Variants in MTUS2 observed in about 807,000 individuals in gnomAD.
The protein encoded by MTUS2 is microtubule-associated tumor suppressor candidate 2.
In MTUS2, 40 loss-of-function variants were observed where a neutral mutation model predicts 114.1. The observed-to-expected ratio is 0.35, with a 90% confidence interval of 0.27 to 0.46. The LOEUF (loss-of-function observed/expected upper bound fraction) is 0.46, where lower values mean the gene tolerates loss of function less well. Among genes scored for constraint, MTUS2 ranks in the 20% least tolerant of loss-of-function variants. The pLI, the probability that MTUS2 is intolerant of heterozygous loss-of-function variation, is 1.00. For missense variants in MTUS2, 1,679 were observed against 1,705.4 expected, an observed-to-expected ratio of 0.98 and a Z score of 0.27; for synonymous variants, 688 against 672.0, an observed-to-expected ratio of 1.02 and a Z score of -0.37.
chr13:29,431,957 AC>A (rs199809276), intron 8 of MTUS2, among the ~76,000 whole-genome samples: 2,583 of 138,648 alleles, frequency 0.019, 38 homozygotes, highest in South Asian at 0.059. Context: ...CAATCTTCCC[AC>A]CTCAGCTTCC....
chr13:29,455,807 C>A (rs1304297490), intron 9 of MTUS2, among the ~76,000 whole-genome samples: 1 of 151,954 alleles, frequency 6.6e-6, no homozygotes, highest in Non-Finnish European at 1.5e-5. Flanking sequence ...ATGGCAAAAC[C>A]CCATCTCTAC....
intron 5 of MTUS2, among the ~76,000 whole-genome samples, chr13:29,110,668 CA>C (rs1890848158): frequency 6.6e-6 from 1 of 152,068 alleles, no homozygotes; most frequent in African/African-American, 2.4e-5. Context: ...CAAAGGAGAA[CA>C]TTTTTTTTTC....
intron 1 of MTUS2, among the ~76,000 whole-genome samples, chr13:28,831,639 G>A (rs996561220): frequency 6.6e-6 from 1 of 152,204 alleles, no homozygotes; most frequent in Non-Finnish European, 1.5e-5. Context: ...CCCTAAATAT[G>A]TGAAGCAGAA....
intron 2 of MTUS2, among the ~76,000 whole-genome samples, chr13:29,023,923 G>A (rs992604771): frequency 6.6e-6 from 1 of 152,172 alleles, no homozygotes; most frequent in East Asian, 1.9e-4. Context: ...GGTTAATGTG[G>A]TGTCTACCAG....
At chr13:29,343,987 C>T (rs1306469450) in intron 7 of MTUS2, among the ~76,000 whole-genome samples, 2 of 152,022 alleles carry the variant, frequency 1.3e-5, no homozygotes, top group Non-Finnish European at 2.9e-5. Flanking sequence ...GAGTTGAGTT[C>T]CAGTTTTATT....
chr13:28,930,020 G>A (rs1163807521), intron 2 of MTUS2, among the ~76,000 whole-genome samples: 1 of 152,134 alleles, frequency 6.6e-6, no homozygotes, highest in Admixed American at 6.5e-5. Context: ...GGAGGAGAGG[G>A]CAGAATCCCA....
intron 4 of MTUS2, among the ~76,000 whole-genome samples, chr13:29,085,625 T>C (rs530370566): frequency 3.5e-4 from 53 of 152,362 alleles, no homozygotes; most frequent in African/African-American, 1.1e-3. Flanking sequence ...TCTTGTTCTT[T>C]TTTTGTGGCT....
chr13:29,141,820 T>G (rs573213568), intron 5 of MTUS2, among the ~76,000 whole-genome samples: 1 of 152,216 alleles, frequency 6.6e-6, no homozygotes, highest in South Asian at 2.1e-4. Flanking sequence ...TTATCACATT[T>G]CCTGTTATCC....
intron 5 of MTUS2, among the ~76,000 whole-genome samples, chr13:29,185,035 A>G (rs1347211330): frequency 6.6e-6 from 1 of 152,150 alleles, no homozygotes; most frequent in Non-Finnish European, 1.5e-5. Flanking sequence ...ATAAAGTATC[A>G]GAACAATGCC....
chr13:28,886,015 C>T (rs778079847), intron 2 of MTUS2, among the ~76,000 whole-genome samples: 22 of 151,958 alleles, frequency 1.4e-4, no homozygotes, highest in Non-Finnish European at 2.5e-4. Context: ...AGGGCATTCC[C>T]GATAGAGGGA....
Position 29,026,011 on chromosome 13 carries a change from C to G in MTUS2, c.1313C>G (p.Ala438Gly). 6.2e-7 allele frequency: 1 copy of G among 1,613,978 alleles called. No individual in the cohort carries two copies. Among genetic ancestry groups the G allele is most frequent in the Non-Finnish European group, 8.5e-7 (1 of 1,179,886 alleles). ...TTTTCACCAGGTGACAGTCATGTGG[C>G]TTTTATTCCTAATAATCTGACTGAC... ...SSFSPGDSHV[A>G]FIPNNLTDSK... Residue 438 changes from alanine (A) to glycine (G), a missense_variant, in exon 3 of 16, where the codon GCT becomes GGT. Around this residue, in one of 3 missense-constraint regions of MTUS2, gnomAD observed 843 missense variants for 770.8 expected, o/e 1.09. Coordinates refer to ENST00000612955, the MANE Select transcript of MTUS2 (RefSeq NM_001033602.4).
chr13:28,917,765 G>T (rs1286747838), intron 2 of MTUS2, among the ~76,000 whole-genome samples: 1 of 151,574 alleles, frequency 6.6e-6, no homozygotes, highest in Non-Finnish European at 1.5e-5. Flanking sequence ...CTAATTTTGG[G>T]TTTGGCTTGC....
At chr13:29,497,474 C>T (rs889708878) in intron 13 of MTUS2, 138 bp downstream of exon 13, 14 of 703,796 alleles carry the variant, frequency 2.0e-5, no homozygotes, top group Middle Eastern at 4.0e-4. Context: ...CACGACCTCC[C>T]CTGGATTTTT....
intron 5 of MTUS2, among the ~76,000 whole-genome samples, chr13:29,188,554 A>G (rs536458098): frequency 6.6e-6 from 1 of 152,296 alleles, no homozygotes; most frequent in South Asian, 2.1e-4. Flanking sequence ...TTTTGAGCCT[A>G]CCTGCTTTGC....
chr13:29,442,449 T>C (rs1221961543), intron 9 of MTUS2, among the ~76,000 whole-genome samples: 5 of 152,212 alleles, frequency 3.3e-5, no homozygotes, highest in African/African-American at 1.2e-4. Context: ...ACACAACGTC[T>C]CAGACCTTGG....
At chr13:29,497,153 G>C in intron 12 of MTUS2, 85 bp from the exon 13 acceptor site, 1 of 1,213,016 alleles carries the variant, frequency 8.2e-7, no homozygotes. Context: ...GGGCACAGTG[G>C]TGGCCTGCTG....
intron 5 of MTUS2, among the ~76,000 whole-genome samples, chr13:29,239,035 C>G (rs555417345): frequency 3.3e-5 from 5 of 152,244 alleles, no homozygotes; most frequent in African/African-American, 1.2e-4. Flanking sequence ...ATCTAACGTA[C>G]AGCATGGTGA....
At chr13:28,876,864 A>G (rs1877966689) in intron 2 of MTUS2, among the ~76,000 whole-genome samples, 1 of 152,190 alleles carries the variant, frequency 6.6e-6, no homozygotes, top group South Asian at 2.1e-4. Flanking sequence ...CTGGCACATA[A>G]TAGGTTGTTG....
chr13:29,278,371 A>G (rs1490783696), intron 5 of MTUS2, among the ~76,000 whole-genome samples: 2 of 152,178 alleles, frequency 1.3e-5, no homozygotes, highest in Non-Finnish European at 2.9e-5. Flanking sequence ...GAAATATATC[A>G]GTATCCAATA....
Sources: allele counts gnomAD v4.1 joint callset (sites outside exome capture counted in the v4.1 genomes callset), GRCh38; gene constraint gnomAD v4.1.1; regional missense constraint gnomAD v4.1.1; transcripts MANE v1.5; gene names NCBI Gene and HGNC (gene_info 2026-07-23, HGNC 2026-07-21).